Variants in BMP6 observed in about 807,000 individuals in gnomAD.
BMP6 encodes VG-1-R.
Under a neutral mutation model 54.1 loss-of-function variants are expected in BMP6, and 17 were observed. The observed-to-expected ratio is 0.31, with a 90% CI of 0.22 to 0.47. The LOEUF (loss-of-function observed/expected upper bound fraction) is 0.47. Ranked by LOEUF, BMP6 falls within the 20% of genes least tolerant of loss-of-function variation. The pLI is 1.00. For missense variants in BMP6, 720 were observed against 690.4 expected (o/e 1.04, Z -0.48); for synonymous variants, 328 against 291.2 (o/e 1.13, Z -1.28).
chr6:7,774,448 G>A (rs1429771648), intron 1 of BMP6, among the ~76,000 whole-genome samples: 1 of 152,242 alleles, frequency 6.6e-6, no homozygotes, highest in Admixed American at 6.5e-5. Context: ...TACTCAGAAG[G>A]CTGAGGCAGG....
intron 2 of BMP6, among the ~76,000 whole-genome samples, chr6:7,848,388 G>T (rs1759097654): frequency 6.6e-6 from 1 of 152,112 alleles, no homozygotes; most frequent in South Asian, 2.1e-4. Flanking sequence ...TTCAGAGTTA[G>T]CATTTCAGCA....
intron 1 of BMP6, among the ~76,000 whole-genome samples, chr6:7,804,252 C>T (rs764944986): frequency 4.3e-4 from 65 of 151,656 alleles, no homozygotes; most frequent in Non-Finnish European, 7.5e-4. Context: ...GCAAAGCCAT[C>T]GGGTAGGAAA....
At chr6:7,776,430 C>G (rs1369168294) in intron 1 of BMP6, among the ~76,000 whole-genome samples, 2 of 152,184 alleles carry the variant, frequency 1.3e-5, no homozygotes, top group African/African-American at 4.8e-5. Context: ...TCATGGGTCT[C>G]CAATAAAAAG....
intron 1 of BMP6, among the ~76,000 whole-genome samples, chr6:7,746,824 T>G (rs569991242): frequency 2.0e-5 from 3 of 152,210 alleles, no homozygotes; most frequent in Non-Finnish European, 1.5e-5. Context: ...CACGGGAAAC[T>G]TCATCAGTGA....
chr6:7,731,891 A>G (rs1336324579), intron 1 of BMP6, among the ~76,000 whole-genome samples: 1 of 152,204 alleles, frequency 6.6e-6, no homozygotes, highest in East Asian at 1.9e-4. Flanking sequence ...GTTTATTTGA[A>G]TTCACGAGGT....
chr6:7,823,115 G>T (rs1758641123), intron 1 of BMP6, among the ~76,000 whole-genome samples: 1 of 152,126 alleles, frequency 6.6e-6, no homozygotes, highest in African/African-American at 2.4e-5. Context: ...CATGGAAAAT[G>T]TTCTGAGTTG....
At chr6:7,768,946 C>A (rs367769402) in intron 1 of BMP6, among the ~76,000 whole-genome samples, 1 of 152,074 alleles carries the variant, frequency 6.6e-6, no homozygotes, top group Non-Finnish European at 1.5e-5. Flanking sequence ...AGAGACTGAA[C>A]CTTAACCAAT....
intron 2 of BMP6, among the ~76,000 whole-genome samples, chr6:7,852,778 T>C (rs1759165860): frequency 6.6e-6 from 1 of 152,156 alleles, no homozygotes; most frequent in South Asian, 2.1e-4. Flanking sequence ...CCTCGTCCCA[T>C]ATAAACACAG....
intron 1 of BMP6, among the ~76,000 whole-genome samples, chr6:7,796,652 T>C (rs1758194216): frequency 6.6e-6 from 1 of 152,260 alleles, no homozygotes; most frequent in South Asian, 2.1e-4. Flanking sequence ...AAGAAGTTTC[T>C]ATTTTGCCAG....
intron 1 of BMP6, among the ~76,000 whole-genome samples, chr6:7,812,686 C>A (rs1346769730): frequency 6.6e-6 from 1 of 151,766 alleles, no homozygotes; most frequent in Non-Finnish European, 1.5e-5. Flanking sequence ...CCATATAAAT[C>A]AAGAAGAAAA....
chr6:7,835,003 GA>G (rs1160183302), intron 1 of BMP6, among the ~76,000 whole-genome samples: 1 of 152,188 alleles, frequency 6.6e-6, no homozygotes, highest in African/African-American at 2.4e-5. Flanking sequence ...GAGCCGGGCA[GA>G]ATGAATAAAA....
chr6:7,742,082 C>T (rs1535430), intron 1 of BMP6, among the ~76,000 whole-genome samples: 100,531 of 152,044 alleles, frequency 0.66, 34,628 homozygotes, highest in Non-Finnish European at 0.76. Context: ...GAGAGAATTA[C>T]AAACTGTGAA....
Position 7,737,185 on chromosome 6 carries a change from CA to C in BMP6, c.664+9578del, listed in dbSNP as rs557010949. The stretch of plus-strand genomic sequence containing the variant: ...GGAGTGACAAAGCGAGACTCCATCT[CA>C]AAAAAAAAAAAGAGCTTGGGGCCAT... On this transcript the variant is annotated intron_variant, in intron 1 of 6. Transcript: ENST00000283147. Among the ~76,000 whole-genome samples the C allele has an allele frequency of 1.0e-3, 140 of 138,782 alleles. 1 individual carries two copies. The highest frequency in any genetic ancestry group is 1.1e-3 in the Admixed American group (15 of 13,898). 91.0% of individuals were successfully genotyped at this position (138,782 alleles called of 152,430 possible). A position where few individuals can be genotyped will look rare whatever the true frequency, so the allele number is the denominator to read the frequency against.
At chr6:7,780,486 T>C (rs1444595763) in intron 1 of BMP6, among the ~76,000 whole-genome samples, 2 of 151,364 alleles carry the variant, frequency 1.3e-5, no homozygotes, top group African/African-American at 4.9e-5. Context: ...GAGGCGGAGG[T>C]TGTAGTGAGC....
chr6:7,737,012 AC>A (rs1177468331), intron 1 of BMP6, among the ~76,000 whole-genome samples: 1 of 152,076 alleles, frequency 6.6e-6, no homozygotes, highest in Non-Finnish European at 1.5e-5. Context: ...ACATGGCAAA[AC>A]CCTGTCTCTA....
chr6:7,880,553 A>G lies in BMP6; in HGVS notation c.*210A>G. 1.5e-6 allele frequency: 1 copy of G among 646,684 alleles called. No individual in the cohort carries two copies. The highest frequency in any genetic ancestry group is 2.6e-6 in the Non-Finnish European group (1 of 384,226). 40.1% of individuals were successfully genotyped at this position (646,684 alleles called of 1,614,324 possible). ...CGTGAGTAGTTGTTGGTCTGTAGCA[A>G]GCTGAGTTTGGATGTCTGTAGCATA... On this transcript the variant is annotated 3_prime_UTR_variant, in exon 7 of 7. Coordinates refer to ENST00000283147, the MANE Select transcript of BMP6 (RefSeq NM_001718.6).
chr6:7,777,448 T>C (rs1035103586), intron 1 of BMP6, among the ~76,000 whole-genome samples: 7 of 152,012 alleles, frequency 4.6e-5, no homozygotes, highest in African/African-American at 1.4e-4. Context: ...TCCCTCAGAG[T>C]ACCTCTGTGT....
intron 1 of BMP6, among the ~76,000 whole-genome samples, chr6:7,745,388 C>A (rs140232922): frequency 3.9e-5 from 6 of 152,302 alleles, no homozygotes; most frequent in African/African-American, 1.4e-4. Context: ...ATCCTCCCAC[C>A]CTAGCCTCCT....
chr6:7,730,759 T>C (rs1316070414), intron 1 of BMP6, among the ~76,000 whole-genome samples: 2 of 152,350 alleles, frequency 1.3e-5, no homozygotes, highest in East Asian at 1.9e-4. Context: ...GATTTCCTAA[T>C]TGCTGTCAAT....
Sources: allele counts gnomAD v4.1 joint callset (sites outside exome capture counted in the v4.1 genomes callset), GRCh38; gene constraint gnomAD v4.1.1; transcripts MANE v1.5; gene names NCBI Gene and HGNC (gene_info 2026-07-23, HGNC 2026-07-21).